Variants in ACTL8 observed in about 807,000 individuals in gnomAD.
ACTL8 encodes actin like 8.
ACTL8 carries 3 observed loss-of-function variants against 9.3 expected under a neutral mutation model. The observed-to-expected ratio is 0.32, with a 90% confidence interval of 0.15 to 0.83. The LOEUF (loss-of-function observed/expected upper bound fraction) is 0.83, where lower values mean the gene tolerates loss of function less well. Ranked by LOEUF, ACTL8 falls within the 40% of genes least tolerant of loss-of-function variation. The pLI, the probability that ACTL8 is intolerant of heterozygous loss-of-function variation, is 0.57. For missense variants in ACTL8, 381 were observed against 492.2 expected, an observed-to-expected ratio of 0.77 and a Z score of 2.14; for synonymous variants, 224 against 205.9, an observed-to-expected ratio of 1.09 and a Z score of -0.75.
intron 1 of ACTL8, among the ~76,000 whole-genome samples, chr1:17,811,332 C>T (rs1333135320): frequency 6.6e-6 from 1 of 152,172 alleles, no homozygotes; most frequent in Non-Finnish European, 1.5e-5. Flanking sequence ...TTTATATATT[C>T]TGGATACAAG....
At chr1:17,785,754 G>A (rs1023586208) in intron 1 of ACTL8, among the ~76,000 whole-genome samples, 1 of 152,028 alleles carries the variant, frequency 6.6e-6, no homozygotes, top group East Asian at 1.9e-4. Context: ...TAATTTGATG[G>A]GTGTGTTAGT....
intron 1 of ACTL8, among the ~76,000 whole-genome samples, chr1:17,761,847 A>G (rs2066008449): frequency 1.3e-5 from 2 of 152,160 alleles, no homozygotes; most frequent in African/African-American, 4.8e-5. Context: ...CTGGGATTAC[A>G]GGCGTGAGCT....
At chr1:17,820,867 AC>A (rs2053654238) in intron 1 of ACTL8, among the ~76,000 whole-genome samples, 1 of 152,168 alleles carries the variant, frequency 6.6e-6, no homozygotes, top group African/African-American at 2.4e-5. Context: ...AGAAACTGCC[AC>A]ACCATTTTCC....
At chr1:17,755,622 A>C (rs530188904) in intron 1 of ACTL8, 118 bp downstream of exon 1, 1 of 142,332 alleles carries the variant, frequency 7.0e-6, no homozygotes, top group South Asian at 2.2e-4. Context: ...CCTGGCTGTC[A>C]GCCCCCAAGG....
intron 1 of ACTL8, among the ~76,000 whole-genome samples, chr1:17,793,097 C>T (rs776850581): frequency 6.6e-6 from 1 of 152,180 alleles, no homozygotes; most frequent in Admixed American, 6.5e-5. Context: ...CTTGCACTGT[C>T]GAGGGGACGA....
intron 1 of ACTL8, among the ~76,000 whole-genome samples, chr1:17,775,222 G>A (rs1280060863): frequency 2.6e-5 from 4 of 152,154 alleles, no homozygotes; most frequent in Admixed American, 6.5e-5. Context: ...ATTAGAGACC[G>A]AGGGCTGATG....
intron 1 of ACTL8, among the ~76,000 whole-genome samples, chr1:17,801,109 G>A (rs959978910): frequency 9.9e-5 from 15 of 152,190 alleles, no homozygotes; most frequent in African/African-American, 3.6e-4. Context: ...CTGCCTAAAA[G>A]TACTTATAAA....
At position 17,826,312 on chromosome 1, in the gene ACTL8, C is replaced by CGG. The variant is rs1379185812; in HGVS notation, c.898_899dup (p.Asn301AlafsTer16). 1.2e-6 allele frequency: 2 copies of CGG among 1,612,170 alleles called. No homozygotes were observed. Among genetic ancestry groups the CGG allele is most frequent in the African/African-American group, 2.7e-5 (2 of 74,980 alleles). On this transcript the variant is annotated frameshift_variant, in exon 3 of 3. Coordinates refer to ENST00000375406, the MANE Select transcript of ACTL8 (RefSeq NM_030812.3). LOFTEE classifies it low-confidence loss of function (END_TRUNC). The surrounding 1 kb of genome is among the most constrained non-coding windows in gnomAD (Gnocchi z 4.5). Reference sequence around the variant, plus strand: ...TGCTGGTCTCCCACGTGATGGCCTGCGGGGGCAACACCCTCTATCCCGGGT... The same window carrying CGG: ...TGCTGGTCTCCCACGTGATGGCCTGCGGGGGGGCAACACCCTCTATCCCGGGT...
intron 1 of ACTL8, among the ~76,000 whole-genome samples, chr1:17,785,511 G>C (rs1359167206): frequency 6.6e-6 from 1 of 152,200 alleles, no homozygotes; most frequent in African/African-American, 2.4e-5. Context: ...AGCAAATGCA[G>C]GTAAATTTCC....
chr1:17,816,807 A>G (rs2066429241), intron 1 of ACTL8, among the ~76,000 whole-genome samples: 1 of 152,130 alleles, frequency 6.6e-6, no homozygotes, highest in Admixed American at 6.5e-5. Context: ...CCATTTCTTC[A>G]GTATTCTTCC....
chr1:17,816,268 C>T (rs1351393279), intron 1 of ACTL8, among the ~76,000 whole-genome samples: 1 of 147,598 alleles, frequency 6.8e-6, no homozygotes, highest in East Asian at 2.0e-4. Flanking sequence ...GTGGTGCAAT[C>T]TTAGCTCTCT....
At chr1:17,804,765 A>C (rs1310760618) in intron 1 of ACTL8, among the ~76,000 whole-genome samples, 1 of 151,788 alleles carries the variant, frequency 6.6e-6, no homozygotes, top group Non-Finnish European at 1.5e-5. Flanking sequence ...ATAGGCACAC[A>C]CCACCAAGCC....
At chr1:17,816,463 C>G in intron 1 of ACTL8, among the ~76,000 whole-genome samples, 1 of 152,170 alleles carries the variant, frequency 6.6e-6, no homozygotes, top group Non-Finnish European at 1.5e-5. Flanking sequence ...CTTGGCCTCC[C>G]AAAGTGCTAG....
intron 1 of ACTL8, among the ~76,000 whole-genome samples, chr1:17,804,644 G>A (rs919701817): frequency 4.3e-5 from 6 of 140,964 alleles, no homozygotes; most frequent in Non-Finnish European, 7.8e-5. Context: ...TTTTGCTTTT[G>A]TTGCCCAGGC....
chr1:17,786,848 C>A (rs2066201362), intron 1 of ACTL8, among the ~76,000 whole-genome samples: 1 of 151,976 alleles, frequency 6.6e-6, no homozygotes, highest in South Asian at 2.1e-4. Flanking sequence ...GTGTGCACCA[C>A]CATGCTGGCC....
intron 1 of ACTL8, among the ~76,000 whole-genome samples, chr1:17,765,737 G>T (rs1341052148): frequency 6.6e-6 from 1 of 152,206 alleles, no homozygotes; most frequent in African/African-American, 2.4e-5. Flanking sequence ...GGAATGTGAG[G>T]TCTCTCAGGA....
chr1:17,769,222 C>G (rs2066066966), intron 1 of ACTL8, among the ~76,000 whole-genome samples: 1 of 152,172 alleles, frequency 6.6e-6, no homozygotes. Context: ...CTTCAGCCTT[C>G]CCTTCCCCAG....
In ACTL8 at chr1:17,823,368, C is replaced by G; in HGVS notation, c.348+12C>G. ...AGAAGATGCTGGAGGTGAGGCCTGC[C>G]GGGGCCTGCTCCCACTCGGGAGCGG... On this transcript the variant is annotated intron_variant, in intron 2 of 2. Coordinates refer to ENST00000375406, the MANE Select transcript of ACTL8 (RefSeq NM_030812.3). The surrounding 1 kb of genome is among the most constrained non-coding windows in gnomAD (Gnocchi z 5.3). The G allele has an allele frequency of 6.2e-7, 1 of 1,605,498 alleles. No homozygotes were observed. Among genetic ancestry groups the G allele is most frequent in the African/African-American group, 1.3e-5 (1 of 74,852 alleles).
Position 17,776,969 on chromosome 1 carries a change from ATTTTTTTTTTT to A in ACTL8, c.-25+21491_-25+21501del, listed in dbSNP as rs765972298. Among the ~76,000 whole-genome samples, 431 of 50,540 alleles carry A rather than the reference ATTTTTTTTTTT, an allele frequency of 8.5e-3. 2 individuals carry two copies. Among genetic ancestry groups the A allele is most frequent in the African/African-American group, 0.029 (375 of 12,712 alleles). 33.2% of individuals were successfully genotyped at this position (50,540 alleles called of 152,430 possible). ...CATCCACCACCGTTCCTGGCTAATGATTTTTTTTTTTTTTTTTTTTTTTTTTTTTTTTTTTT... is the reference window on the plus strand; with the variant it reads ...CATCCACCACCGTTCCTGGCTAATGATTTTTTTTTTTTTTTTTTTTTTTTT... On this transcript the variant is annotated intron_variant, in intron 1 of 2. Transcript: ENST00000375406.
Sources: allele counts gnomAD v4.1 joint callset (sites outside exome capture counted in the v4.1 genomes callset), GRCh38; gene constraint gnomAD v4.1.1; non-coding constraint Gnocchi (gnomAD v3.1); transcripts MANE v1.5; gene names NCBI Gene and HGNC (gene_info 2026-07-23, HGNC 2026-07-21).